Variants in RBM28 observed in about 807,000 individuals in gnomAD.
RBM28 encodes RNA binding motif protein 28, also known as RNA-binding protein 28.
RBM28 carries 78 observed loss-of-function variants against 98.3 expected under a neutral mutation model. That is an observed-to-expected ratio of 0.79 (90% CI 0.66 to 0.96). The LOEUF (loss-of-function observed/expected upper bound fraction) is 0.96, where lower values mean the gene tolerates loss of function less well. Among genes scored for constraint, RBM28 ranks in the 40% least tolerant of loss-of-function variants. The pLI, the probability that RBM28 is intolerant of heterozygous loss-of-function variation, is 0.00. For synonymous variants in RBM28, 306 were observed against 330.9 expected, an observed-to-expected ratio of 0.92 and a Z score of 0.82; for missense variants, 838 against 913.0, an observed-to-expected ratio of 0.92 and a Z score of 1.06.
intron 12 of RBM28, among the ~76,000 whole-genome samples, chr7:128,323,888 G>A (rs531191027): frequency 2.0e-5 from 3 of 152,308 alleles, no homozygotes; most frequent in East Asian, 3.9e-4. Flanking sequence ...CCTAGAAGAA[G>A]TATGGAACAT....
At position 128,325,978 on chromosome 7, in the gene RBM28, G is replaced by A. The variant is rs574026220; in HGVS notation, c.1130-87C>T. 1.9e-4 allele frequency: 194 copies of A among 1,025,988 alleles called. No individual in the cohort carries two copies. In the African/African-American group the frequency reaches 2.9e-3, roughly 15 times the overall value. The allele number at this position is 1,025,988 out of a possible 1,614,324, so 63.6% of individuals were successfully genotyped here. On this transcript the variant is annotated intron_variant, in intron 10 of 18. Transcript: ENST00000223073. ...TTGCAAATGGCAACAGCCTGACACA[G>A]AGTGGAAGGGATAGGTGGCATCCAT...
rs1427042125 is a variant in RBM28 at position 128,335,543 on chromosome 7, C to G, written c.946G>C (p.Ala316Pro). The change falls in exon 8 of 19, where the codon GCT becomes CCT. Residue 316 changes from alanine to proline, a missense_variant and splice_region_variant. By Grantham distance (27) the Ala-to-Pro change is conservative. Coordinates refer to ENST00000223073, the MANE Select transcript of RBM28 (RefSeq NM_018077.3). ...GACATTTATGAAAATCCAAACAAAC[C>G]TTTATCCTCTTGCTCCTCAGTGCTG... ...DTSTEEQEDKAVQVSNKKKRK... is the reference protein window; with the variant it reads ...DTSTEEQEDKPVQVSNKKKRK... 8 of 1,614,100 alleles carry G rather than the reference C, an allele frequency of 5.0e-6. No homozygotes were observed. The highest frequency in any genetic ancestry group is 2.2e-5 in the East Asian group (1 of 44,884).
At position 128,307,168 on chromosome 7, in the gene RBM28, G is replaced by A. The variant is rs1442106264; in HGVS notation, c.*3629C>T. On this transcript the variant is annotated 3_prime_UTR_variant, in exon 19 of 19. Transcript: ENST00000223073. Reference sequence around the variant, plus strand: ...TGATGATGTGTTTATTTCCATGAAGGAGCAGTCTATGGAGAAGTGCAGGAA... The same window carrying A: ...TGATGATGTGTTTATTTCCATGAAGAAGCAGTCTATGGAGAAGTGCAGGAA... The A allele has an allele frequency of 6.6e-6, 1 of 152,228 alleles. No homozygotes were observed. The highest frequency in any genetic ancestry group is 2.4e-5 in the African/African-American group (1 of 41,446). 9.4% of individuals were successfully genotyped at this position (152,228 alleles called of 1,614,324 possible).
intron 1 of RBM28, chr7:128,341,301 T>C: frequency 1.5e-6 from 1 of 650,842 alleles, no homozygotes; most frequent in East Asian, 6.7e-5. Flanking sequence ...TTTCAGAAAA[T>C]GAGCACAAGA....
At chr7:128,336,560 C>G (rs1339376542) in intron 6 of RBM28, among the ~76,000 whole-genome samples, 1 of 152,222 alleles carries the variant, frequency 6.6e-6, no homozygotes, top group Non-Finnish European at 1.5e-5. Context: ...GGCTCACTCA[C>G]AGCCACTCCC....
rs553328046 is a variant in RBM28, at chr7:128,317,913, A to G, written c.1713+44T>C. 10 of 1,608,886 alleles carry G rather than the reference A, an allele frequency of 6.2e-6. No homozygotes were observed. In the African/African-American group the frequency reaches 9.3e-5, roughly 15 times the overall value. On this transcript the variant is annotated intron_variant, in intron 15 of 18. Coordinates refer to ENST00000223073, the MANE Select transcript of RBM28 (RefSeq NM_018077.3). ...ATAAAGGAGAAGGCTGGTTTCCTGC[A>G]AGTGGTCCTAAGGGAACAAGTCTCC... is the stretch of plus-strand genomic sequence containing the variant.
chr7:128,310,949 A>G lies in RBM28; in HGVS notation c.2146-18T>C. ...CTAGATACCTACAAATGAAAGGATT[A>G]GAAACATAATATAATCAATTTCAAA... On this transcript the variant is annotated intron_variant, in intron 18 of 18. Coordinates refer to ENST00000223073, the MANE Select transcript of RBM28 (RefSeq NM_018077.3). 1 of 1,607,170 alleles carries G rather than the reference A, an allele frequency of 6.2e-7. No homozygotes were observed. Among genetic ancestry groups the G allele is most frequent in the Non-Finnish European group, 8.5e-7 (1 of 1,173,632 alleles).
intron 15 of RBM28, 95 bp downstream of exon 15, chr7:128,317,862 C>A: frequency 6.4e-7 from 1 of 1,568,264 alleles, no homozygotes; most frequent in South Asian, 1.1e-5. Context: ...TGTTTCCCAC[C>A]CCTCAAATGT....
chr7:128,333,555 T>C (rs1796531358), intron 8 of RBM28, among the ~76,000 whole-genome samples, 193 bp from the exon 9 acceptor site: 1 of 152,034 alleles, frequency 6.6e-6, no homozygotes, highest in Admixed American at 6.6e-5. Flanking sequence ...CTGTCTCTAC[T>C]AAAAATACAA....
chr7:128,338,408 A>C, intron 4 of RBM28, 66 bp from the exon 5 acceptor site: 1 of 1,328,218 alleles, frequency 7.5e-7, no homozygotes, highest in Non-Finnish European at 1.1e-6. Context: ...CTAAGAAGTA[A>C]ATTACTGCAA....
chr7:128,325,225 G>C (rs1245709249), intron 11 of RBM28, among the ~76,000 whole-genome samples: 3 of 152,176 alleles, frequency 2.0e-5, no homozygotes, highest in Non-Finnish European at 4.4e-5. Flanking sequence ...AAGGCCACAT[G>C]TGTATTTCAG....
At chr7:128,338,391 C>G (rs41281731) in intron 4 of RBM28, 49 bp from the exon 5 acceptor site, 2 of 1,467,840 alleles carry the variant, frequency 1.4e-6, no homozygotes, top group Non-Finnish European at 1.9e-6. Flanking sequence ...AGGAGGTAGC[C>G]AGAATACTAA....
rs1302926042 is a variant in RBM28, at chr7:128,301,559, T to C, written c.*9238A>G. On this transcript the variant is annotated 3_prime_UTR_variant, in exon 19 of 19. Transcript: ENST00000223073. ...CCTTCTCTTGGTTCCTGCTTTTGTC[T>C]CTAGCCTTCCTAGAGTAGCTCAGAT... is the stretch of plus-strand genomic sequence containing the variant. The C allele has an allele frequency of 6.6e-6, 1 of 152,378 alleles. No homozygotes were observed. Among genetic ancestry groups the C allele is most frequent in the Admixed American group, 6.5e-5 (1 of 15,288 alleles). 9.4% of individuals were successfully genotyped at this position (152,378 alleles called of 1,614,324 possible).
In RBM28 at chr7:128,338,881, A is replaced by G. The variant is rs1241550581; in HGVS notation, c.373-80T>C. ...TAAAACATCAACTACTAAATTCATTAATTATGAAAAACATGAATGTTTACT... is the reference window on the plus strand; with the variant it reads ...TAAAACATCAACTACTAAATTCATTGATTATGAAAAACATGAATGTTTACT... On this transcript the variant is annotated intron_variant, in intron 3 of 18. Transcript: ENST00000223073. 2.0e-5 allele frequency: 20 copies of G among 994,044 alleles called. No homozygotes were observed. The Admixed American group carries it at 3.4e-4, about 17-fold the overall frequency. 61.6% of individuals were successfully genotyped at this position (994,044 alleles called of 1,614,324 possible). A position where few individuals can be genotyped will look rare whatever the true frequency, so the allele number is the denominator to read the frequency against.
At chr7:128,323,652 G>A in intron 12 of RBM28, 61 bp from the exon 13 acceptor site, 6 of 1,580,376 alleles carry the variant, frequency 3.8e-6, no homozygotes, top group South Asian at 1.1e-5. Context: ...AGCAACAAGA[G>A]GAATGTGATT....
At chr7:128,334,791 G>A (rs73230659) in intron 8 of RBM28, among the ~76,000 whole-genome samples, 6,655 of 152,286 alleles carry the variant, frequency 0.044, 219 homozygotes, top group Non-Finnish European at 0.07. Flanking sequence ...TTTGGAGACA[G>A]AGACTTTAGG....
chr7:128,341,317 C>A, intron 1 of RBM28: 1 of 500,218 alleles, frequency 2.0e-6, no homozygotes, highest in Non-Finnish European at 3.4e-6. Flanking sequence ...CAAGAAAATT[C>A]ATAGCCCTTC....
chr7:128,315,278 A>C (rs996676496), intron 16 of RBM28, among the ~76,000 whole-genome samples: 22 of 152,216 alleles, frequency 1.4e-4, no homozygotes, highest in African/African-American at 5.1e-4. Context: ...CCCAAAATTC[A>C]AAAGTCAGTA....
intron 18 of RBM28, among the ~76,000 whole-genome samples, chr7:128,312,011 T>C (rs1009365310): frequency 1.3e-5 from 2 of 152,132 alleles, no homozygotes; most frequent in Non-Finnish European, 2.9e-5. Flanking sequence ...AGGCAGATAA[T>C]CCTCAAATCT....
Sources: gnomAD v4.1 joint callset for allele counts (sites outside exome capture counted in the v4.1 genomes callset) on GRCh38, gnomAD v4.1.1 for gene constraint, MANE v1.5 for transcripts, NCBI Gene and HGNC (gene_info 2026-07-23, HGNC 2026-07-21) for gene names.